GALNT9: variants seen among roughly 807,000 people sequenced by gnomAD.
GALNT9 encodes the protein polypeptide N-acetylgalactosaminyltransferase 9.
A neutral mutation model predicts 63.1 loss-of-function variants in GALNT9; 47 were observed. That is an observed-to-expected ratio of 0.75 (90% CI 0.59 to 0.95). The LOEUF (loss-of-function observed/expected upper bound fraction) is 0.95. GALNT9 is among the 40% of genes least tolerant of loss of function. The pLI is 0.00. For synonymous variants in GALNT9, 396 were observed against 365.7 expected (o/e 1.08, Z -0.94); for missense variants, 829 against 874.8 (o/e 0.95, Z 0.66).
At chr12:132,266,967 C>G (rs532958941) in intron 2 of GALNT9, among the ~76,000 whole-genome samples, 2 of 152,284 alleles carry the variant, frequency 1.3e-5, no homozygotes, top group South Asian at 4.1e-4. Flanking sequence ...CCTGGCGTCT[C>G]TGAGAATAAA....
intron 2 of GALNT9, among the ~76,000 whole-genome samples, chr12:132,263,359 G>T (rs1879475533): frequency 6.6e-6 from 1 of 152,242 alleles, no homozygotes; most frequent in Non-Finnish European, 1.5e-5. Context: ...AGCTTGGATT[G>T]CACAGTTTTC....
Position 132,208,092 on chromosome 12 carries a change from G to A in GALNT9, c.1078-4402C>T, listed in dbSNP as rs1048156101. Among the ~76,000 whole-genome samples, 7 of 152,236 alleles carry A rather than the reference G, an allele frequency of 4.6e-5. No homozygotes were observed. The South Asian group carries it at 1.5e-3, about 32-fold the overall frequency. ...CGGGAGATTGATGCTTATGCAGAGGGAGAATTTAAAGGCTCTCCCATCACA... is the reference window on the plus strand; with the variant it reads ...CGGGAGATTGATGCTTATGCAGAGGAAGAATTTAAAGGCTCTCCCATCACA... On this transcript the variant is annotated intron_variant, in intron 6 of 10. Coordinates refer to ENST00000328957, the MANE Select transcript of GALNT9 (RefSeq NM_001122636.2).
At chr12:132,290,729 T>C (rs797027105) in intron 1 of GALNT9, among the ~76,000 whole-genome samples, 2,385 of 13,534 alleles carry the variant, frequency 0.18, 1 homozygote, top group Non-Finnish European at 0.19. Context: ...CCCACGTCCA[T>C]AGCACCCACA....
At chr12:132,227,505 C>T (rs1339783892) in intron 6 of GALNT9, among the ~76,000 whole-genome samples, 4 of 152,296 alleles carry the variant, frequency 2.6e-5, no homozygotes, top group Middle Eastern at 3.4e-3. Flanking sequence ...GCGAGGTGCA[C>T]GTCTCGGCCC....
intron 1 of GALNT9, among the ~76,000 whole-genome samples, chr12:132,289,569 A>T (rs1555242505): frequency 6.6e-6 from 1 of 152,184 alleles, no homozygotes; most frequent in Non-Finnish European, 1.5e-5. Flanking sequence ...GAAGGAGTGG[A>T]GGAGCTGGGC....
chr12:132,317,569 G>C (rs532211590), intron 1 of GALNT9, among the ~76,000 whole-genome samples: 2 of 152,380 alleles, frequency 1.3e-5, no homozygotes, highest in South Asian at 4.1e-4. Context: ...TCTGTTAAAA[G>C]CATTAATTTG....
At chr12:132,223,144 CA>C (rs1877536591) in intron 6 of GALNT9, among the ~76,000 whole-genome samples, 4 of 25,768 alleles carry the variant, frequency 1.6e-4, no homozygotes, top group Non-Finnish European at 4.6e-4. Flanking sequence ...CCCACACACA[CA>C]CCACACAACC....
At chr12:132,301,235 G>A (rs1244396273) in intron 1 of GALNT9, among the ~76,000 whole-genome samples, 1 of 152,264 alleles carries the variant, frequency 6.6e-6, no homozygotes, top group Non-Finnish European at 1.5e-5. Flanking sequence ...CTGTATGGTG[G>A]CAGGCAAAGG....
At chr12:132,259,481 G>A (rs1225436684) in intron 4 of GALNT9, among the ~76,000 whole-genome samples, 5 of 152,230 alleles carry the variant, frequency 3.3e-5, no homozygotes, top group African/African-American at 9.6e-5. Flanking sequence ...CCCTGCGGAG[G>A]AGCGAGGAAG....
rs549580170 is a variant in GALNT9 at position 132,219,501 on chromosome 12, C to T, written c.1078-15811G>A. Among the ~76,000 whole-genome samples the T allele has an allele frequency of 8.5e-5, 13 of 152,138 alleles. No individual in the cohort carries two copies. The East Asian group carries it at 1.9e-3, about 23-fold the overall frequency. On this transcript the variant is annotated intron_variant, in intron 6 of 10. Coordinates refer to ENST00000328957, the MANE Select transcript of GALNT9 (RefSeq NM_001122636.2). ...GGCGTGTGGCTCTGATGTCCATTGGCGGGGACAGGTGCTGGGCGTGCGGCC... is the reference window on the plus strand; with the variant it reads ...GGCGTGTGGCTCTGATGTCCATTGGTGGGGACAGGTGCTGGGCGTGCGGCC...
intron 6 of GALNT9, among the ~76,000 whole-genome samples, chr12:132,211,976 A>G (rs184380552): frequency 0.014 from 2,194 of 152,316 alleles, 43 homozygotes; most frequent in African/African-American, 0.05. Context: ...TGCTGGGACC[A>G]TGTCTGCAGC....
chr12:132,230,463 G>A (rs1033247431), intron 6 of GALNT9, among the ~76,000 whole-genome samples: 2 of 152,252 alleles, frequency 1.3e-5, no homozygotes, highest in Admixed American at 6.5e-5. Flanking sequence ...AGATCGACGG[G>A]CATAGAAAAA....
At chr12:132,228,258 C>A (rs1164678076) in intron 6 of GALNT9, among the ~76,000 whole-genome samples, 1 of 151,880 alleles carries the variant, frequency 6.6e-6, no homozygotes, top group Non-Finnish European at 1.5e-5. Context: ...CCTCTGACAC[C>A]TGCATCCCTC....
In GALNT9 at chr12:132,315,379, C is replaced by T. The variant is rs1250517459; in HGVS notation, c.238+13587G>A. ...ATCAGGGCGGCCTCCCCCGTGTCCA[C>T]TGCAAAGTGCTCGAGCCTCAGAATA... On this transcript the variant is annotated intron_variant, in intron 1 of 10. Coordinates refer to ENST00000328957, the MANE Select transcript of GALNT9 (RefSeq NM_001122636.2). This position sits in a 1 kb window ranked among gnomAD's most constrained non-coding sequence, Gnocchi z 6.1. Among the ~76,000 whole-genome samples, 2 of 152,090 alleles carry T rather than the reference C, an allele frequency of 1.3e-5. No individual in the cohort carries two copies. The highest frequency in any genetic ancestry group is 1.5e-5 in the Non-Finnish European group (1 of 68,038).
chr12:132,309,827 G>A (rs938645808), intron 1 of GALNT9, among the ~76,000 whole-genome samples: 1 of 152,240 alleles, frequency 6.6e-6, no homozygotes, highest in African/African-American at 2.4e-5. Context: ...AAGAGACCAT[G>A]CCAGGAGGGC....
intron 6 of GALNT9, among the ~76,000 whole-genome samples, chr12:132,219,738 CGGGT>C (rs756706267): frequency 0.054 from 5,756 of 106,968 alleles, 779 homozygotes; most frequent in Middle Eastern, 0.23. Flanking sequence ...GACACCCGCC[CGGGT>C]AAGGGGAAGG....
In GALNT9 at chr12:132,310,714, A is replaced by G. The variant is rs2135583356; in HGVS notation, c.238+18252T>C. ...CTGAGAGAGGAAACAGCACAAATTGAGAGGCGGCCGGGCACAAGATAATCG... is the reference window on the plus strand; with the variant it reads ...CTGAGAGAGGAAACAGCACAAATTGGGAGGCGGCCGGGCACAAGATAATCG... On this transcript the variant is annotated intron_variant, in intron 1 of 10. Coordinates refer to ENST00000328957, the MANE Select transcript of GALNT9 (RefSeq NM_001122636.2). The surrounding 1 kb of genome is among the most constrained non-coding windows in gnomAD (Gnocchi z 4.8). Among the ~76,000 whole-genome samples the G allele has an allele frequency of 6.6e-6, 1 of 152,252 alleles. No homozygotes were observed. The highest frequency in any genetic ancestry group is 1.9e-4 in the East Asian group (1 of 5,180).
At chr12:132,301,683 C>T (rs1262941061) in intron 1 of GALNT9, among the ~76,000 whole-genome samples, 2 of 152,388 alleles carry the variant, frequency 1.3e-5, no homozygotes, top group East Asian at 3.9e-4. Flanking sequence ...TGGGGCCCCA[C>T]TCGCTGGCCA....
intron 2 of GALNT9, chr12:132,277,558 T>C: frequency 6.5e-6 from 1 of 152,866 alleles, no homozygotes; most frequent in Middle Eastern, 1.9e-3. Context: ...GACGCCTCTC[T>C]TCGTGCTGCC....
Sources: allele counts gnomAD v4.1 joint callset (sites outside exome capture counted in the v4.1 genomes callset), GRCh38; gene constraint gnomAD v4.1.1; non-coding constraint Gnocchi (gnomAD v3.1); transcripts MANE v1.5; gene names NCBI Gene and HGNC (gene_info 2026-07-23, HGNC 2026-07-21).